CACHD1: variants seen among roughly 807,000 people sequenced by gnomAD.
CACHD1 encodes VWFA and cache domain-containing protein 1.
CACHD1 carries 71 observed loss-of-function variants against 138.7 expected under a neutral mutation model. That is an observed-to-expected ratio of 0.51 (90% confidence interval 0.42 to 0.62). The LOEUF (loss-of-function observed/expected upper bound fraction) is 0.62. CACHD1 is among the 20% of genes least tolerant of loss of function. The pLI is 0.00. For synonymous variants in CACHD1, 578 were observed against 591.5 expected, an observed-to-expected ratio of 0.98 and a Z score of 0.33; for missense variants, 1,389 against 1,625.3, an observed-to-expected ratio of 0.85 and a Z score of 2.50.
chr1:64,576,675 A>G (rs1646970268), intron 2 of CACHD1, among the ~76,000 whole-genome samples: 1 of 152,130 alleles, frequency 6.6e-6, no homozygotes, highest in Non-Finnish European at 1.5e-5. Context: ...CTTCACTTGT[A>G]AACTGGGCAT....
chr1:64,675,855 G>A lies in CACHD1; in HGVS notation c.2889-42G>A, dbSNP rs755783555. ...CCAGCACATGTACAACTTACAGTTT[G>A]CCATTGACCTTCTGCATAGTAACTT... On this transcript the variant is annotated intron_variant, in intron 20 of 26. Coordinates refer to ENST00000651257, the MANE Select transcript of CACHD1 (RefSeq NM_020925.4). 1.0e-5 allele frequency: 13 copies of A among 1,259,480 alleles called. No individual in the cohort carries two copies. In the South Asian group the frequency reaches 1.8e-4, roughly 17 times the overall value. 78.0% of individuals were successfully genotyped at this position (1,259,480 alleles called of 1,614,324 possible).
chr1:64,491,876 C>T (rs2100299155), intron 1 of CACHD1, among the ~76,000 whole-genome samples: 1 of 152,294 alleles, frequency 6.6e-6, no homozygotes, highest in East Asian at 1.9e-4. Context: ...CTACCTCAGC[C>T]TCCCAAAGTA....
At chr1:64,586,224 C>T (rs1468427405) in intron 3 of CACHD1, among the ~76,000 whole-genome samples, 4 of 152,084 alleles carry the variant, frequency 2.6e-5, no homozygotes, top group African/African-American at 4.8e-5. Context: ...CCACCACGCC[C>T]GGCTAATTTT....
chr1:64,502,972 ATAAT>A (rs1365968305), intron 1 of CACHD1, among the ~76,000 whole-genome samples: 1 of 152,170 alleles, frequency 6.6e-6, no homozygotes, highest in Non-Finnish European at 1.5e-5. Context: ...GTCAAAAAGG[ATAAT>A]TACTTTTTTT....
At chr1:64,672,287 T>G (rs558647631) in intron 17 of CACHD1, among the ~76,000 whole-genome samples, 2 of 152,184 alleles carry the variant, frequency 1.3e-5, no homozygotes, top group Admixed American at 6.6e-5. Flanking sequence ...CAAACTGATA[T>G]CACTAATGTA....
chr1:64,539,224 T>C (rs906821421), intron 1 of CACHD1, among the ~76,000 whole-genome samples: 4 of 152,338 alleles, frequency 2.6e-5, no homozygotes, highest in Non-Finnish European at 4.4e-5. Flanking sequence ...TGCCTGGCCC[T>C]GAGCATGTGG....
intron 3 of CACHD1, among the ~76,000 whole-genome samples, chr1:64,596,573 A>G (rs1298411033): frequency 1.3e-5 from 2 of 152,182 alleles, no homozygotes; most frequent in African/African-American, 2.4e-5. Context: ...GTGCTGTTCT[A>G]AAAACAAAGC....
chr1:64,519,372 C>A (rs1646481461), intron 1 of CACHD1, among the ~76,000 whole-genome samples: 1 of 152,080 alleles, frequency 6.6e-6, no homozygotes, highest in African/African-American at 2.4e-5. Context: ...ACAACAGATA[C>A]CATAAGGAGG....
chr1:64,498,062 G>A lies in CACHD1; in HGVS notation c.198+27120G>A, dbSNP rs4915667. Among the ~76,000 whole-genome samples, 1,277 of 152,334 alleles carry A rather than the reference G, an allele frequency of 8.4e-3. 10 individuals carry two copies. The highest frequency in any genetic ancestry group is 0.014 in the Non-Finnish European group (940 of 68,036). On this transcript the variant is annotated intron_variant, in intron 1 of 26. Transcript: ENST00000651257. ...GAATTGCTTGAACCCAGGAGGCGGAGGTTGCAGTGAGCTGAGATCGTGCCA... is the reference window on the plus strand; with the variant it reads ...GAATTGCTTGAACCCAGGAGGCGGAAGTTGCAGTGAGCTGAGATCGTGCCA...
At chr1:64,643,897 A>G (rs894978172) in intron 8 of CACHD1, among the ~76,000 whole-genome samples, 1 of 152,234 alleles carries the variant, frequency 6.6e-6, no homozygotes, top group Non-Finnish European at 1.5e-5. Context: ...CCTGTCTCAG[A>G]CAGTATAGCT....
At chr1:64,471,974 C>G (rs775892151) in intron 1 of CACHD1, among the ~76,000 whole-genome samples, 1 of 152,078 alleles carries the variant, frequency 6.6e-6, no homozygotes, top group Non-Finnish European at 1.5e-5. Flanking sequence ...AGCTTGAAAC[C>G]TTTGCTATAA....
At chr1:64,483,681 C>CA (rs10537125) in intron 1 of CACHD1, among the ~76,000 whole-genome samples, 6,321 of 57,830 alleles carry the variant, frequency 0.11, 400 homozygotes, top group African/African-American at 0.19. Flanking sequence ...CTGTCTCTAC[C>CA]AAAAAAAAAA....
chr1:64,635,991 A>T (rs1178798668), intron 7 of CACHD1, among the ~76,000 whole-genome samples: 1 of 151,850 alleles, frequency 6.6e-6, no homozygotes, highest in Non-Finnish European at 1.5e-5. Context: ...CACGCCTGTA[A>T]TCCCAGCTAC....
chr1:64,622,477 A>G (rs189020130), intron 4 of CACHD1, among the ~76,000 whole-genome samples: 1 of 152,248 alleles, frequency 6.6e-6, no homozygotes, highest in East Asian at 1.9e-4. Context: ...GTTTTGTTAC[A>G]CCTCTGCTTA....
intron 3 of CACHD1, among the ~76,000 whole-genome samples, chr1:64,583,703 G>C (rs770933109): frequency 6.6e-6 from 1 of 152,162 alleles, no homozygotes; most frequent in Non-Finnish European, 1.5e-5. Context: ...GTTCCACATG[G>C]CTGGGGAGGC....
intron 4 of CACHD1, among the ~76,000 whole-genome samples, chr1:64,624,301 T>G (rs1482885253): frequency 6.6e-6 from 1 of 152,242 alleles, no homozygotes; most frequent in Non-Finnish European, 1.5e-5. Flanking sequence ...TGAGACTAAA[T>G]GTATCATGCA....
At chr1:64,561,169 G>C (rs573256537) in intron 2 of CACHD1, among the ~76,000 whole-genome samples, 1 of 140,992 alleles carries the variant, frequency 7.1e-6, no homozygotes, top group Non-Finnish European at 1.6e-5. Context: ...TTTTTTTTCT[G>C]TTTTTTTTTT....
At chr1:64,614,094 T>C (rs1647623897) in intron 4 of CACHD1, among the ~76,000 whole-genome samples, 1 of 152,230 alleles carries the variant, frequency 6.6e-6, no homozygotes, top group South Asian at 2.1e-4. Flanking sequence ...TTTTATCCAT[T>C]TTGACCTAAT....
intron 14 of CACHD1, 90 bp from the exon 15 acceptor site, chr1:64,664,408 G>T: frequency 7.7e-7 from 1 of 1,294,342 alleles, no homozygotes; most frequent in Non-Finnish European, 1.1e-6. Context: ...TGGCTTCTCT[G>T]CAACAGAGCT....
Sources: allele counts gnomAD v4.1 joint callset (sites outside exome capture counted in the v4.1 genomes callset), GRCh38; gene constraint gnomAD v4.1.1; transcripts MANE v1.5; gene names NCBI Gene and HGNC (gene_info 2026-07-23, HGNC 2026-07-21).